Variants in ASNS observed in about 807,000 individuals in gnomAD.
ASNS encodes asparagine synthetase (glutamine-hydrolyzing), also known as asparagine synthetase [glutamine-hydrolyzing].
A neutral mutation model predicts 62.6 loss-of-function variants in ASNS; 37 were observed. The observed-to-expected ratio is 0.59, with a 90% CI of 0.45 to 0.78. The LOEUF is 0.78. ASNS is among the 30% of genes least tolerant of loss of function. The pLI is 0.00. For missense variants in ASNS, 520 were observed against 682.4 expected, an observed-to-expected ratio of 0.76 and a Z score of 2.65; for synonymous variants, 207 against 237.9, an observed-to-expected ratio of 0.87 and a Z score of 1.19.
chr7:97,878,085 G>A, the ASNS span, among the ~76,000 whole-genome samples: 1 of 152,250 alleles, frequency 6.6e-6, no homozygotes, highest in Non-Finnish European at 1.5e-5. Flanking sequence ...TGCCAAGCAA[G>A]TATGAAAAGC....
intron 2 of ASNS, 144 bp from the exon 3 acceptor site, chr7:97,869,323 G>C (rs1792139128): frequency 5.3e-6 from 5 of 943,022 alleles, no homozygotes; most frequent in Non-Finnish European, 4.6e-6. Context: ...CATTAGGTTG[G>C]CAGGCACATG....
chr7:97,865,244 T>C (rs1791908413), intron 3 of ASNS, among the ~76,000 whole-genome samples: 1 of 152,258 alleles, frequency 6.6e-6, no homozygotes, highest in African/African-American at 2.4e-5. Context: ...CCAGAATACC[T>C]GCATCAGCTG....
At chr7:97,914,078 A>G in the ASNS span, among the ~76,000 whole-genome samples, 1 of 93,294 alleles carries the variant, frequency 1.1e-5, no homozygotes, top group African/African-American at 4.2e-5. Flanking sequence ...TGGGTGCATA[A>G]GAGAGTGGGT....
the ASNS span, among the ~76,000 whole-genome samples, chr7:97,924,996 G>T: frequency 5.3e-5 from 8 of 152,070 alleles, no homozygotes; most frequent in Non-Finnish European, 8.8e-5. Context: ...AATTAGCCAG[G>T]TGTGGTGGTG....
At position 97,852,229 on chromosome 7, in the gene ASNS, T is replaced by C. The variant is rs547403927; in HGVS notation, c.*30A>G. 2.9e-4 allele frequency: 470 copies of C among 1,610,444 alleles called. 1 individual carries two copies. Among genetic ancestry groups the C allele is most frequent in the South Asian group, 1.7e-3 (156 of 90,926 alleles). Reference sequence around the variant, plus strand: ...AGTCCCCATCCAACACGAAGAAATATTTGCTTTCACATTACAGCATAAAGA... The same window carrying C: ...AGTCCCCATCCAACACGAAGAAATACTTGCTTTCACATTACAGCATAAAGA... On this transcript the variant is annotated 3_prime_UTR_variant, in exon 13 of 13. Transcript: ENST00000394308.
chr7:97,888,000 G>T, the ASNS span, among the ~76,000 whole-genome samples: 9 of 152,168 alleles, frequency 5.9e-5, no homozygotes, highest in East Asian at 1.2e-3. Flanking sequence ...TTGTTTTTGG[G>T]TTCTCCCTCT....
chr7:97,887,737 T>G, the ASNS span, among the ~76,000 whole-genome samples: 1 of 152,238 alleles, frequency 6.6e-6, no homozygotes, highest in Non-Finnish European at 1.5e-5. Flanking sequence ...ATTGTTGTAT[T>G]AAGCCACTGA....
chr7:97,852,200 C>T lies in ASNS; in HGVS notation c.*59G>A, dbSNP rs527374271. The T allele has an allele frequency of 3.2e-6, 5 of 1,573,722 alleles. No individual in the cohort carries two copies. The South Asian group carries it at 5.7e-5, about 18-fold the overall frequency. On this transcript the variant is annotated 3_prime_UTR_variant, in exon 13 of 13. Coordinates refer to ENST00000394308, the MANE Select transcript of ASNS (RefSeq NM_001673.5). ...TGACTCTCATTGTTCCCCTATCTAC[C>T]CACAGTCCCCATCCAACACGAAGAA... is the stretch of plus-strand genomic sequence containing the variant.
chr7:97,920,599 G>A, the ASNS span, among the ~76,000 whole-genome samples: 1 of 152,226 alleles, frequency 6.6e-6, no homozygotes, highest in Admixed American at 6.5e-5. Context: ...AATAGAAGGG[G>A]GAAAGGCTGC....
Position 97,853,325 on chromosome 7 carries a change from G to A in ASNS, c.1300C>T (p.Pro434Ser). The A allele has an allele frequency of 6.2e-7, 1 of 1,613,694 alleles. No individual in the cohort carries two copies. Among genetic ancestry groups the A allele is most frequent in the Non-Finnish European group, 8.5e-7 (1 of 1,179,886 alleles). ...RFSSYYLSLP[P>S]EMRIPKNGIE... Reference sequence around the variant, plus strand: ...CCTACCTTTGGAATTCTCATTTCTGGTGGCAGAGACAAGTAATAGGAAGAA... The same window carrying A: ...CCTACCTTTGGAATTCTCATTTCTGATGGCAGAGACAAGTAATAGGAAGAA... The change falls in exon 11 of 13, where the codon CCA becomes TCA. Residue 434 changes from proline to serine, a missense_variant. Pro to Ser is a moderately conservative substitution (Grantham distance 74). Transcript: ENST00000394308.
At chr7:97,905,668 A>G in the ASNS span, among the ~76,000 whole-genome samples, 524 of 151,848 alleles carry the variant, frequency 3.5e-3, 1 homozygote, top group Non-Finnish European at 5.9e-3. Context: ...TGCCTTTCCC[A>G]TGTTATAAGG....
chr7:97,897,724 C>T, the ASNS span, among the ~76,000 whole-genome samples: 2 of 152,170 alleles, frequency 1.3e-5, no homozygotes, highest in Non-Finnish European at 2.9e-5. Context: ...AAGAACAGAT[C>T]TACCATATGA....
Position 97,859,073 on chromosome 7 carries a change from TGCCAAA to T in ASNS, c.674-124_674-119del, listed in dbSNP as rs575350800. On this transcript the variant is annotated intron_variant, in intron 5 of 12. Transcript: ENST00000394308. ...ATGGTATTTACTCAATGGTGGAGTGTGCCAAATCTTAATGTGTTCCCTCCAAACAAA... is the reference window on the plus strand; with the variant it reads ...ATGGTATTTACTCAATGGTGGAGTGTTCTTAATGTGTTCCCTCCAAACAAA... 3,369 of 1,375,434 alleles carry T rather than the reference TGCCAAA, an allele frequency of 2.4e-3. 80 individuals carry two copies. The South Asian group carries it at 0.036, about 15-fold the overall frequency. 85.2% of individuals were successfully genotyped at this position (1,375,434 alleles called of 1,614,324 possible). A position where few individuals can be genotyped will look rare whatever the true frequency, so the allele number is the denominator to read the frequency against.
At chr7:97,925,222 T>G in the ASNS span, among the ~76,000 whole-genome samples, 1 of 152,220 alleles carries the variant, frequency 6.6e-6, no homozygotes, top group Non-Finnish European at 1.5e-5. Context: ...ATAACCTTCC[T>G]ATGAAAGTGT....
the ASNS span, chr7:97,898,761 T>A: frequency 1.5e-6 from 1 of 677,292 alleles, no homozygotes; most frequent in Non-Finnish European, 2.7e-6. Context: ...TGAGCTTCAA[T>A]CATTGTTGAA....
Position 97,852,159 on chromosome 7 carries a change from C to A in ASNS, c.*100G>T. ...TTTAGGACTTTTATTTTTTTCACAC[C>A]CAAGTTAGCCTGAGTTGACTCTCAT... is the stretch of plus-strand genomic sequence containing the variant. On this transcript the variant is annotated 3_prime_UTR_variant, in exon 13 of 13. Transcript: ENST00000394308. 1.1e-5 allele frequency: 15 copies of A among 1,345,502 alleles called. No homozygotes were observed. The highest frequency in any genetic ancestry group is 1.5e-5 in the Non-Finnish European group (15 of 977,212). 83.3% of individuals were successfully genotyped at this position (1,345,502 alleles called of 1,614,324 possible).
At chr7:97,923,578 G>A in the ASNS span, among the ~76,000 whole-genome samples, 6 of 152,236 alleles carry the variant, frequency 3.9e-5, no homozygotes, top group South Asian at 6.2e-4. Flanking sequence ...AGGCAATCAC[G>A]GTCATTTCCA....
At chr7:97,889,273 C>T in the ASNS span, among the ~76,000 whole-genome samples, 4 of 152,226 alleles carry the variant, frequency 2.6e-5, no homozygotes, top group Non-Finnish European at 5.9e-5. Flanking sequence ...AATCCCAGCA[C>T]TTTGAGAGGC....
At chr7:97,894,018 T>C in the ASNS span, among the ~76,000 whole-genome samples, 1 of 152,068 alleles carries the variant, frequency 6.6e-6, no homozygotes, top group African/African-American at 2.4e-5. Flanking sequence ...TAAAATCATA[T>C]CAAGTATCTT....
Sources: allele counts gnomAD v4.1 joint callset (sites outside exome capture counted in the v4.1 genomes callset), GRCh38; gene constraint gnomAD v4.1.1; transcripts MANE v1.5; gene names NCBI Gene and HGNC (gene_info 2026-07-23, HGNC 2026-07-21).